DMD: variants seen among roughly 807,000 people sequenced by gnomAD.
DMD encodes dystrophin, also known as mutant dystrophin.
A neutral mutation model predicts 330.1 loss-of-function variants in DMD; 63 were observed. The ratio of observed to expected loss-of-function variants is 0.19; its 90% CI spans 0.16 to 0.24. DMD has a LOEUF of 0.24. Among genes scored for constraint, DMD ranks in the 10% least tolerant of loss-of-function variants. The pLI, the probability that DMD is intolerant of heterozygous loss-of-function variation, is 1.00. For missense variants in DMD, 3,344 were observed against 2,684.1 expected (o/e 1.25, Z -5.43); for synonymous variants, 1,223 against 959.8 (o/e 1.27, Z -5.07).
chrX:33,302,188 A>C lies in DMD; in HGVS notation c.7+37071T>G, dbSNP rs1199399400. ...TTTTCAGCTACTTAGGTTGCTGGTC[A>C]TTTCCACTTTTCTTAAAAGTAACAT... is the stretch of plus-strand genomic sequence containing the variant. On this transcript the variant is annotated intron_variant, in intron 1 of 17. Coordinates refer to the DMD transcript ENST00000288447. 1.5e-4 allele frequency among the ~76,000 whole-genome samples: 17 copies of C among 111,652 alleles called. No individual in the cohort carries two copies. The Admixed American group carries it at 1.6e-3, about 11-fold the overall frequency.
At position 31,203,962 on chromosome X, in the gene DMD, A is replaced by C; in HGVS notation, c.9806T>G (p.Phe3269Cys). ...IEPSVRSCFQ[F>C]ANNKPEIEAA... ...TTACCTAGAAGGTGAATAACTTACA[A>C]ATTGGAAGCAGCTCCGGACACTTGG... The change falls in exon 67 of 79, where the codon TTT (phenylalanine) becomes TGT (cysteine). Residue 3269 changes from phenylalanine (F) to cysteine (C), a missense_variant and splice_region_variant. Physicochemically the swap from Phe to Cys is radical, Grantham distance 205 (BLOSUM62 -2). Transcript: ENST00000357033. The C allele has an allele frequency of 8.3e-7, 1 of 1,204,891 alleles. No individual in the cohort carries two copies. Among genetic ancestry groups the C allele is most frequent in the Non-Finnish European group, 1.1e-6 (1 of 889,064 alleles).
intron 17 of DMD, among the ~76,000 whole-genome samples, chrX:32,523,932 C>CTTTTTTTTTTT (rs57254581): frequency 1.3e-4 from 11 of 87,443 alleles, no homozygotes; most frequent in African/African-American, 5.0e-4. Flanking sequence ...CAAAAGAAAT[C>CTTTTTTTTTTT]TTTTTTTTTT....
chrX:33,003,878 G>A (rs1332337491), intron 2 of DMD, among the ~76,000 whole-genome samples: 2 of 112,235 alleles, frequency 1.8e-5, no homozygotes, highest in Non-Finnish European at 1.9e-5. Flanking sequence ...AATTGTATTC[G>A]ATGTTTCAGA....
intron 43 of DMD, among the ~76,000 whole-genome samples, chrX:32,233,525 A>C (rs1425757147): frequency 1.2e-5 from 1 of 85,178 alleles, no homozygotes; most frequent in East Asian, 2.9e-4. Flanking sequence ...CAATACAATA[A>C]ATTAAAAAAA....
Position 31,242,981 on chromosome X carries a change from C to G in DMD, c.9286+17974G>C, listed in dbSNP as rs554816763. On this transcript the variant is annotated intron_variant, in intron 63 of 78. Coordinates refer to ENST00000357033, the MANE Select transcript of DMD (RefSeq NM_004006.3). ...CCTTCACTCTCATAGGCAAGGAATT[C>G]TATCACATCATGAAGTCCGCTGCAT... Among the ~76,000 whole-genome samples the G allele has an allele frequency of 9.8e-5, 11 of 111,779 alleles. No homozygotes were observed. In the South Asian group the frequency reaches 3.8e-3, roughly 39 times the overall value.
chrX:32,199,827 T>TGTGTGTGTGTGTG (rs2097025553), intron 44 of DMD, among the ~76,000 whole-genome samples: 1 of 98,812 alleles, frequency 1.0e-5, no homozygotes, highest in Non-Finnish European at 2.1e-5. Context: ...TGTGTGTGTG[T>TGTGTGTGTGTGTG]ATTTTTAGTA....
chrX:31,933,827 A>T (rs2094889185), intron 45 of DMD, among the ~76,000 whole-genome samples: 1 of 112,004 alleles, frequency 8.9e-6, no homozygotes, highest in African/African-American at 3.2e-5. Context: ...TTCATTCAAA[A>T]TTATGTTTAC....
At chrX:33,008,867 CATACTCAT>C (rs2093465674) in intron 2 of DMD, among the ~76,000 whole-genome samples, 3 of 50,529 alleles carry the variant, frequency 5.9e-5, no homozygotes, top group East Asian at 1.4e-3. Flanking sequence ...TATATATACA[CATACTCAT>C]ATATGTATAT....
At chrX:32,347,085 T>G (rs1455425628) in intron 38 of DMD, among the ~76,000 whole-genome samples, 1 of 111,766 alleles carries the variant, frequency 8.9e-6, no homozygotes, top group African/African-American at 3.2e-5. Context: ...AACACGCAAC[T>G]GAGGACTGAT....
chrX:32,931,611 G>C (rs935420662), intron 2 of DMD, among the ~76,000 whole-genome samples: 4 of 111,017 alleles, frequency 3.6e-5, no homozygotes, highest in Admixed American at 1.9e-4. Context: ...ATATAAGTAT[G>C]TATTCATAGT....
rs367935007 is a variant in DMD, at chrX:31,778,224, G to A, written c.7310-4032C>T. Among the ~76,000 whole-genome samples the A allele has an allele frequency of 1.6e-4, 18 of 111,672 alleles. No homozygotes were observed. In the South Asian group the frequency reaches 6.3e-3, roughly 39 times the overall value. The stretch of plus-strand genomic sequence containing the variant: ...TCCTAAACACTTTTTAGTCTTTAAC[G>A]TTTTCTTACTTAAATCTAGTTATCA... On this transcript the variant is annotated intron_variant, in intron 50 of 78. Transcript: ENST00000357033.
chrX:32,437,403 C>T (rs746450059), intron 29 of DMD, among the ~76,000 whole-genome samples: 2 of 111,922 alleles, frequency 1.8e-5, no homozygotes, highest in Admixed American at 9.5e-5. Context: ...AAAAGGTCCC[C>T]GACATTGACT....
intron 42 of DMD, among the ~76,000 whole-genome samples, chrX:32,297,465 G>A (rs912429927): frequency 2.7e-5 from 3 of 109,756 alleles, no homozygotes; most frequent in East Asian, 5.7e-4. Context: ...AGTAGAGATC[G>A]GGTTCCATTA....
rs190215492 is a variant in DMD at position 32,841,939 on chromosome X, G to A, written c.264+2844C>T. ...ATACATTTGCAACTCAAAACAAAGG[G>A]CTCATATCCAGAATATAGCAATAAC... On this transcript the variant is annotated intron_variant, in intron 4 of 78. Transcript: ENST00000357033. Among the ~76,000 whole-genome samples, 731 of 111,994 alleles carry A rather than the reference G, an allele frequency of 6.5e-3. 4 individuals are homozygous for A. Among genetic ancestry groups the A allele is most frequent in the Non-Finnish European group, 0.011 (559 of 53,168 alleles).
intron 45 of DMD, among the ~76,000 whole-genome samples, chrX:31,963,259 G>A (rs989747719): frequency 8.9e-6 from 1 of 111,845 alleles, no homozygotes; most frequent in African/African-American, 3.2e-5. Flanking sequence ...CTTCCTTTAA[G>A]TACATTTACG....
At chrX:32,070,859 T>C (rs992162757) in intron 44 of DMD, among the ~76,000 whole-genome samples, 7 of 111,023 alleles carry the variant, frequency 6.3e-5, no homozygotes, top group Non-Finnish European at 1.1e-4. Flanking sequence ...ATAACATATA[T>C]GGTGCAGTGT....
At chrX:33,277,987 C>T (rs2053263375) in intron 1 of DMD, among the ~76,000 whole-genome samples, 4 of 110,136 alleles carry the variant, frequency 3.6e-5, no homozygotes, top group African/African-American at 1.3e-4. Context: ...TGCCTGTAGT[C>T]CCAGCTATTC....
chrX:31,588,884 T>C (rs1381418277), intron 55 of DMD, among the ~76,000 whole-genome samples: 1 of 106,182 alleles, frequency 9.4e-6, no homozygotes, highest in Non-Finnish European at 1.9e-5. Context: ...TTTTTTTTTT[T>C]TTTTTCAACT....
intron 63 of DMD, among the ~76,000 whole-genome samples, chrX:31,227,429 C>T (rs1032748804): frequency 9.0e-6 from 1 of 111,508 alleles, no homozygotes; most frequent in Non-Finnish European, 1.9e-5. Flanking sequence ...CAGCCTACCC[C>T]CAACCCACTG....
Sources: gnomAD v4.1 joint callset for allele counts (sites outside exome capture counted in the v4.1 genomes callset) on GRCh38, gnomAD v4.1.1 for gene constraint, MANE v1.5 for transcripts, NCBI Gene and HGNC (gene_info 2026-07-23, HGNC 2026-07-21) for gene names.